Variants in SPECC1 observed in about 807,000 individuals in gnomAD.
SPECC1 encodes the protein sperm antigen with calponin homology and coiled-coil domains 1.
SPECC1 carries 62 observed loss-of-function variants against 104.1 expected under a neutral mutation model. The observed-to-expected ratio is 0.60, with a 90% CI of 0.49 to 0.74. SPECC1 has a LOEUF of 0.74. SPECC1 is among the 30% of genes least tolerant of loss of function. SPECC1 has a pLI of 0.00. For synonymous variants in SPECC1, 513 were observed against 501.6 expected (o/e 1.02, Z -0.30); for missense variants, 1,306 against 1,310.5 (o/e 1.00, Z 0.05).
At chr17:20,236,746 T>A in intron 7 of SPECC1, 1 of 1,366,958 alleles carries the variant, frequency 7.3e-7, no homozygotes, top group Non-Finnish European at 1.0e-6. Flanking sequence ...ATCCTGGACA[T>A]TAGCTTTTCC....
At chr17:20,163,957 C>T (rs1043219999) in intron 3 of SPECC1, among the ~76,000 whole-genome samples, 3 of 152,100 alleles carry the variant, frequency 2.0e-5, no homozygotes, top group East Asian at 1.9e-4. Flanking sequence ...GAATTGGAAT[C>T]GCAAGGTTGA....
At chr17:20,241,691 G>A (rs935779319) in intron 7 of SPECC1, among the ~76,000 whole-genome samples, 2 of 139,680 alleles carry the variant, frequency 1.4e-5, no homozygotes, top group African/African-American at 3.0e-5. Flanking sequence ...TTCTTATCCT[G>A]TTTGTTTTTA....
intron 3 of SPECC1, among the ~76,000 whole-genome samples, chr17:20,184,074 G>C (rs189969802): frequency 1.4e-3 from 208 of 151,362 alleles, no homozygotes; most frequent in African/African-American, 5.0e-3. Context: ...CCAGCTACTC[G>C]GGAGGCTGAG....
rs545733233 is a variant in SPECC1, at chr17:20,024,751, A to G, written c.-22+15327A>G. 4.6e-5 allele frequency among the ~76,000 whole-genome samples: 7 copies of G among 152,224 alleles called. No individual in the cohort carries two copies. In the South Asian group the frequency reaches 1.5e-3, roughly 32 times the overall value. ...CCCAGCTCCAGCCAAGGACTCTGAC[A>G]CTGGCTTGTGGACTCTGATAATAGC... On this transcript the variant is annotated intron_variant, in intron 1 of 14. Transcript: ENST00000395527.
At chr17:20,114,826 T>A (rs1176635868) in intron 3 of SPECC1, among the ~76,000 whole-genome samples, 4 of 152,226 alleles carry the variant, frequency 2.6e-5, no homozygotes, top group African/African-American at 7.2e-5. Flanking sequence ...ATCAGACCTT[T>A]ACAAGTGAAG....
rs561746526 is a variant in SPECC1 at position 20,078,953 on chromosome 17, G to A, written c.-21-17678G>A. ...GCATTTGTATAAAGTAAATAAACAG[G>A]CATTTTTCCGGGCCCACAGGCAAGA... On this transcript the variant is annotated intron_variant, in intron 1 of 14. Coordinates refer to ENST00000395527, the MANE Select transcript of SPECC1 (RefSeq NM_001243439.2). Among the ~76,000 whole-genome samples the A allele has an allele frequency of 8.5e-5, 13 of 152,300 alleles. 1 individual carries two copies. Among genetic ancestry groups the A allele is most frequent in the East Asian group, 1.9e-4 (1 of 5,182 alleles).
intron 3 of SPECC1, among the ~76,000 whole-genome samples, chr17:20,154,362 C>T (rs1264558068): frequency 6.6e-6 from 1 of 152,004 alleles, no homozygotes; most frequent in Non-Finnish European, 1.5e-5. Context: ...TGAGCAAAGG[C>T]CCAGGGAGTG....
At chr17:20,152,564 TGAG>T (rs1308577555) in intron 3 of SPECC1, among the ~76,000 whole-genome samples, 4 of 152,244 alleles carry the variant, frequency 2.6e-5, no homozygotes, top group Non-Finnish European at 4.4e-5. Flanking sequence ...TGGGTTCTGG[TGAG>T]GAGTCTTCTT....
chr17:20,272,958 T>C (rs752705029), intron 12 of SPECC1, among the ~76,000 whole-genome samples: 13 of 152,232 alleles, frequency 8.5e-5, no homozygotes, highest in Non-Finnish European at 1.8e-4. Flanking sequence ...ATCTTTATGC[T>C]GGAGGTTTGA....
At chr17:20,229,532 C>T (rs943378912) in intron 5 of SPECC1, among the ~76,000 whole-genome samples, 2 of 152,026 alleles carry the variant, frequency 1.3e-5, no homozygotes, top group African/African-American at 2.4e-5. Flanking sequence ...AAACTAGCCA[C>T]GTGTGGTGGC....
rs1486256097 is a variant in SPECC1 at position 20,202,599 on chromosome 17, GTT to G, written c.284-1731_284-1730del. Among the ~76,000 whole-genome samples, 5 of 152,108 alleles carry G rather than the reference GTT, an allele frequency of 3.3e-5. No homozygotes were observed. In the South Asian group the frequency reaches 8.3e-4, roughly 25 times the overall value. Reference sequence around the variant, plus strand: ...GCAAATGTATTTCCTCTTCCTTATGGTTTTCTGAATAACATTTTCTTTTTTCT... The same window carrying G: ...GCAAATGTATTTCCTCTTCCTTATGGTTCTGAATAACATTTTCTTTTTTCT... On this transcript the variant is annotated intron_variant, in intron 3 of 14. Coordinates refer to ENST00000395527, the MANE Select transcript of SPECC1 (RefSeq NM_001243439.2).
chr17:20,176,619 G>T (rs2034492377), intron 3 of SPECC1, among the ~76,000 whole-genome samples: 1 of 152,168 alleles, frequency 6.6e-6, no homozygotes, highest in African/African-American at 2.4e-5. Context: ...GGAGGCTTCA[G>T]GGGAATATCA....
rs1337232408 is a variant in SPECC1, at chr17:20,315,410, G to A, written c.*1345G>A. 4.3e-6 allele frequency: 1 copy of A among 232,780 alleles called. No individual in the cohort carries two copies. The allele number at this position is 232,780 out of a possible 1,614,324, so 14.4% of individuals were successfully genotyped here. On this transcript the variant is annotated 3_prime_UTR_variant, in exon 15 of 15. Transcript: ENST00000395527. ...TCAGTCCGGCCCGAGTGCCCATCTG[G>A]TGGCTCTGCCGTGTTCTTCTGGGCG...
intron 4 of SPECC1, among the ~76,000 whole-genome samples, chr17:20,210,169 C>G (rs1226821308): frequency 1.3e-5 from 2 of 152,176 alleles, no homozygotes; most frequent in East Asian, 1.9e-4. Flanking sequence ...GTAGCTGTGA[C>G]ATTGGAATAG....
chr17:20,015,184 T>C lies in SPECC1; in HGVS notation c.-22+5760T>C, dbSNP rs192154169. Among the ~76,000 whole-genome samples, 217 of 152,350 alleles carry C rather than the reference T, an allele frequency of 1.4e-3. 1 individual carries two copies. The highest frequency in any genetic ancestry group is 2.5e-3 in the Non-Finnish European group (170 of 68,034). ...TTTGAGTGTTTCCTTGCCTCTATTC[T>C]ATTTTCTGCTTCTGGAATTATTCTT... On this transcript the variant is annotated intron_variant, in intron 1 of 14. Coordinates refer to ENST00000395527, the MANE Select transcript of SPECC1 (RefSeq NM_001243439.2).
chr17:20,271,652 C>A (rs1373357630), intron 12 of SPECC1, among the ~76,000 whole-genome samples: 1 of 152,138 alleles, frequency 6.6e-6, no homozygotes, highest in Non-Finnish European at 1.5e-5. Flanking sequence ...AGCCTCTGAC[C>A]TCTTCCATCA....
chr17:20,054,852 C>T (rs1024758356), intron 1 of SPECC1, among the ~76,000 whole-genome samples: 5 of 152,042 alleles, frequency 3.3e-5, no homozygotes, highest in African/African-American at 9.7e-5. Context: ...AGGGTTTCAC[C>T]ATGTTACCCA....
In SPECC1 at chr17:20,247,290, G is replaced by T. The variant is rs773545766; in HGVS notation, c.2569G>T (p.Ala857Ser). Reference protein sequence around the residue: ...SPLSGIPVRTAPAAAVSPMQR... With the variant: ...SPLSGIPVRTSPAAAVSPMQR... ...CCTAAGTGGGATACCAGTGAGGACTGCTCCAGCAGCTGCTGTCTCTCCAAT... is the reference window on the plus strand; with the variant it reads ...CCTAAGTGGGATACCAGTGAGGACTTCTCCAGCAGCTGCTGTCTCTCCAAT... The change falls in exon 9 of 15, where the codon GCT becomes TCT. Residue 857 changes from alanine to serine, a missense_variant. Transcript: ENST00000395527. 6.2e-7 allele frequency: 1 copy of T among 1,613,640 alleles called. No individual in the cohort carries two copies.
chr17:20,135,233 G>A (rs192089195), intron 3 of SPECC1, among the ~76,000 whole-genome samples: 2 of 152,236 alleles, frequency 1.3e-5, no homozygotes, highest in Non-Finnish European at 2.9e-5. Context: ...CTGTTCCTAA[G>A]CAAATTACAG....
Sources: gnomAD v4.1 joint callset for allele counts (sites outside exome capture counted in the v4.1 genomes callset) on GRCh38, gnomAD v4.1.1 for gene constraint, MANE v1.5 for transcripts, NCBI Gene and HGNC (gene_info 2026-07-23, HGNC 2026-07-21) for gene names.